The following PTPRD variants were observed in gnomAD, a reference collection of about 807,000 sequenced individuals.
PTPRD encodes the protein receptor-type tyrosine-protein phosphatase delta.
In PTPRD, 34 loss-of-function variants were observed where a neutral mutation model predicts 214.5. The ratio of observed to expected loss-of-function variants is 0.16; its 90% CI spans 0.12 to 0.21. The LOEUF (loss-of-function observed/expected upper bound fraction) is 0.21, where lower values mean the gene tolerates loss of function less well. PTPRD is among the 10% of genes least tolerant of loss of function. The probability of loss-of-function intolerance (pLI) is 1.00; values close to 1 mark genes in which losing one functional copy is unlikely to be tolerated. For synonymous variants in PTPRD, 1,128 were observed against 845.7 expected, an observed-to-expected ratio of 1.33 and a Z score of -5.79; for missense variants, 2,545 against 2,398.7, an observed-to-expected ratio of 1.06 and a Z score of -1.27.
intron 11 of PTPRD, among the ~76,000 whole-genome samples, chr9:8,969,440 G>C (rs1383556792): frequency 6.6e-6 from 1 of 151,962 alleles, no homozygotes; most frequent in Non-Finnish European, 1.5e-5. Context: ...TTAGTACATT[G>C]TTTGTGTTAT....
At chr9:9,572,024 A>C (rs1269454646) in intron 8 of PTPRD, among the ~76,000 whole-genome samples, 2 of 151,244 alleles carry the variant, frequency 1.3e-5, no homozygotes, top group African/African-American at 4.8e-5. Context: ...TAAATAGGAC[A>C]TAAAAAACTT....
chr9:8,978,638 C>T (rs1394640549), intron 11 of PTPRD, among the ~76,000 whole-genome samples: 1 of 152,088 alleles, frequency 6.6e-6, no homozygotes, highest in Non-Finnish European at 1.5e-5. Flanking sequence ...CTGAAACTTA[C>T]TCCCCACCAC....
chr9:8,828,794 T>A (rs1296735414), intron 11 of PTPRD, among the ~76,000 whole-genome samples: 1 of 152,198 alleles, frequency 6.6e-6, no homozygotes, highest in Non-Finnish European at 1.5e-5. Context: ...TGCAACAGAA[T>A]AACATTAAAT....
chr9:9,131,836 G>A (rs2099843150), intron 10 of PTPRD, among the ~76,000 whole-genome samples: 1 of 152,100 alleles, frequency 6.6e-6, no homozygotes, highest in Admixed American at 6.6e-5. Context: ...AGTAAAATAT[G>A]TTTCTTAAAA....
intron 8 of PTPRD, among the ~76,000 whole-genome samples, chr9:9,424,566 T>G (rs891815384): frequency 2.6e-5 from 4 of 152,048 alleles, no homozygotes; most frequent in Non-Finnish European, 5.9e-5. Context: ...ACAAAGATAA[T>G]AGAATCAGAA....
chr9:8,969,343 G>A (rs192164874), intron 11 of PTPRD, among the ~76,000 whole-genome samples: 66 of 152,174 alleles, frequency 4.3e-4, no homozygotes, highest in African/African-American at 1.5e-3. Flanking sequence ...AACATGCACA[G>A]ACTATGACCA....
chr9:10,235,373 C>T (rs2099625600), intron 3 of PTPRD, among the ~76,000 whole-genome samples: 1 of 151,882 alleles, frequency 6.6e-6, no homozygotes, highest in African/African-American at 2.4e-5. Context: ...CACTGTGTTC[C>T]ATTTACTAAG....
At chr9:9,505,432 C>T (rs563997252) in intron 8 of PTPRD, among the ~76,000 whole-genome samples, 2 of 151,536 alleles carry the variant, frequency 1.3e-5, no homozygotes, top group South Asian at 4.1e-4. Context: ...TATTTAGAAT[C>T]CACAGATTAG....
At chr9:10,346,825 G>A (rs1419693556) in intron 2 of PTPRD, among the ~76,000 whole-genome samples, 1 of 152,162 alleles carries the variant, frequency 6.6e-6, no homozygotes, top group Admixed American at 6.5e-5. Context: ...TAATTTCACA[G>A]AACATGTGAT....
At chr9:8,809,741 G>C (rs1197445445) in intron 11 of PTPRD, among the ~76,000 whole-genome samples, 2 of 152,128 alleles carry the variant, frequency 1.3e-5, no homozygotes, top group African/African-American at 4.8e-5. Flanking sequence ...CACTGCTGTC[G>C]AGAGCCAGTG....
At chr9:9,214,840 A>G (rs1287832231) in intron 9 of PTPRD, among the ~76,000 whole-genome samples, 1 of 152,182 alleles carries the variant, frequency 6.6e-6, no homozygotes, top group Non-Finnish European at 1.5e-5. Flanking sequence ...CCTGTGTGAT[A>G]TGTACTAACA....
intron 31 of PTPRD, among the ~76,000 whole-genome samples, chr9:8,468,946 A>G (rs2134732181): frequency 6.6e-6 from 1 of 152,056 alleles, no homozygotes; most frequent in South Asian, 2.1e-4. Flanking sequence ...CAAGGGCTTT[A>G]GTTCTTTATC....
At chr9:9,775,497 A>G (rs1178129257) in intron 5 of PTPRD, among the ~76,000 whole-genome samples, 1 of 152,238 alleles carries the variant, frequency 6.6e-6, no homozygotes, top group East Asian at 1.9e-4. Context: ...CTGTATTTCT[A>G]GGATTTTACA....
chr9:8,457,850 T>C (rs1438092023), intron 33 of PTPRD, among the ~76,000 whole-genome samples: 1 of 152,130 alleles, frequency 6.6e-6, no homozygotes, highest in Non-Finnish European at 1.5e-5. Flanking sequence ...GTATATAAAC[T>C]GAAAGGCACC....
chr9:8,973,212 C>T (rs1398631069), intron 11 of PTPRD, among the ~76,000 whole-genome samples: 2 of 151,830 alleles, frequency 1.3e-5, no homozygotes, highest in Admixed American at 6.6e-5. Flanking sequence ...CCACTCCCTC[C>T]TCCTTCTCTC....
Position 9,778,458 on chromosome 9 carries a change from T to C in PTPRD, c.-367-11607A>G, listed in dbSNP as rs138193439. Among the ~76,000 whole-genome samples, 422 of 152,232 alleles carry C rather than the reference T, an allele frequency of 2.8e-3. 4 individuals carry two copies. Among genetic ancestry groups the C allele is most frequent in the African/African-American group, 9.7e-3 (403 of 41,542 alleles). Reference sequence around the variant, plus strand: ...GGGCAGCTCCAGCAAAAAGTAGCCATAGACGCCCATCCCCGGGAACTCCCC... The same window carrying C: ...GGGCAGCTCCAGCAAAAAGTAGCCACAGACGCCCATCCCCGGGAACTCCCC... On this transcript the variant is annotated intron_variant, in intron 5 of 45. Coordinates refer to ENST00000381196, the MANE Select transcript of PTPRD (RefSeq NM_002839.4).
chr9:8,388,099 T>C (rs551158899), intron 37 of PTPRD, among the ~76,000 whole-genome samples: 1 of 152,196 alleles, frequency 6.6e-6, no homozygotes, highest in Non-Finnish European at 1.5e-5. Context: ...AAACCAACCA[T>C]TTATCACTGC....
intron 12 of PTPRD, among the ~76,000 whole-genome samples, chr9:8,667,617 T>C (rs1776539133): frequency 6.6e-6 from 1 of 152,098 alleles, no homozygotes; most frequent in Non-Finnish European, 1.5e-5. Context: ...ATAAGACATA[T>C]AAAATATAAA....
chr9:9,380,513 T>C (rs2061909478), intron 9 of PTPRD, among the ~76,000 whole-genome samples: 1 of 152,142 alleles, frequency 6.6e-6, no homozygotes, highest in South Asian at 2.1e-4. Flanking sequence ...CTTTCTGTTA[T>C]TGATTTATAG....
Sources: allele counts gnomAD v4.1 joint callset (sites outside exome capture counted in the v4.1 genomes callset), GRCh38; gene constraint gnomAD v4.1.1; transcripts MANE v1.5; gene names NCBI Gene and HGNC (gene_info 2026-07-23, HGNC 2026-07-21).